VWC2L: variants seen among roughly 807,000 people sequenced by gnomAD.
The protein encoded by VWC2L is von Willebrand factor C domain containing 2 like.
Under a neutral mutation model 21.6 loss-of-function variants are expected in VWC2L, and 10 were observed. The observed-to-expected ratio is 0.46, with a 90% CI of 0.29 to 0.78. The LOEUF (loss-of-function observed/expected upper bound fraction) is 0.78. Among genes scored for constraint, VWC2L ranks in the 30% least tolerant of loss-of-function variants. The pLI is 0.10. For synonymous variants in VWC2L, 96 were observed against 94.3 expected, an observed-to-expected ratio of 1.02 and a Z score of -0.10; for missense variants, 209 against 277.1, an observed-to-expected ratio of 0.75 and a Z score of 1.74.
At chr2:214,460,375 C>T (rs181643828) in intron 3 of VWC2L, among the ~76,000 whole-genome samples, 19 of 152,276 alleles carry the variant, frequency 1.2e-4, no homozygotes, top group Non-Finnish European at 2.5e-4. Flanking sequence ...TTTCTCTTCA[C>T]GTTCTAGAAC....
intron 3 of VWC2L, among the ~76,000 whole-genome samples, chr2:214,456,716 A>T (rs1381751465): frequency 1.3e-5 from 2 of 152,088 alleles, no homozygotes; most frequent in African/African-American, 2.4e-5. Flanking sequence ...TTGGGGTCTT[A>T]CTTCTAAGTC....
At chr2:214,486,084 T>C (rs986199022) in intron 3 of VWC2L, among the ~76,000 whole-genome samples, 4 of 152,196 alleles carry the variant, frequency 2.6e-5, no homozygotes, top group South Asian at 2.1e-4. Flanking sequence ...CTGTGTATGT[T>C]TGTGTGTGTA....
intron 3 of VWC2L, among the ~76,000 whole-genome samples, chr2:214,573,109 T>A (rs1690176370): frequency 6.6e-6 from 1 of 152,120 alleles, no homozygotes; most frequent in South Asian, 2.1e-4. Flanking sequence ...TAGTAAAATA[T>A]CCCTTCAGGA....
In VWC2L at chr2:214,575,808, G is replaced by A; in HGVS notation, c.657G>A (p.Lys219=). The A allele has an allele frequency of 6.2e-7, 1 of 1,613,240 alleles. No individual in the cohort carries two copies. Among genetic ancestry groups the A allele is most frequent in the Non-Finnish European group, 8.5e-7 (1 of 1,179,334 alleles). ...GTTCGAAACGTGAATGCCAAGGCAA[G>A]CAGACTGTGTAGGACAAACTTCCAC... ...AQCSKRECQG[K]QTV Residue 219 remains lysine (K), a synonymous_variant, in exon 4 of 4, where the codon AAG becomes AAA. Transcript: ENST00000312504.
chr2:214,445,075 G>C (rs920710600), intron 3 of VWC2L, among the ~76,000 whole-genome samples: 25 of 151,516 alleles, frequency 1.6e-4, no homozygotes, highest in African/African-American at 6.0e-4. Flanking sequence ...TGAGTAGTTA[G>C]GTTAAAAAAA....
At chr2:214,515,800 C>T (rs4549089) in intron 3 of VWC2L, among the ~76,000 whole-genome samples, 10 of 152,014 alleles carry the variant, frequency 6.6e-5, no homozygotes, top group Non-Finnish European at 1.3e-4. Context: ...GGTGATCCAC[C>T]CATCTCGGCC....
intron 3 of VWC2L, among the ~76,000 whole-genome samples, chr2:214,441,587 G>A (rs187616646): frequency 6.6e-6 from 1 of 152,086 alleles, no homozygotes; most frequent in Non-Finnish European, 1.5e-5. Flanking sequence ...CTTTCAAAAT[G>A]TTTGTATCCC....
chr2:214,569,603 C>T (rs1690119771), intron 3 of VWC2L, among the ~76,000 whole-genome samples: 1 of 152,186 alleles, frequency 6.6e-6, no homozygotes. Flanking sequence ...GAGGCACCAG[C>T]TCCAGTACAT....
At chr2:214,422,123 C>T (rs1049493534) in intron 2 of VWC2L, among the ~76,000 whole-genome samples, 6 of 151,670 alleles carry the variant, frequency 4.0e-5, no homozygotes, top group African/African-American at 1.5e-4. Context: ...CTCCTGACCT[C>T]GTGATCCGCC....
chr2:214,573,859 G>A (rs894090189), intron 3 of VWC2L, among the ~76,000 whole-genome samples: 1 of 152,182 alleles, frequency 6.6e-6, no homozygotes, highest in Non-Finnish European at 1.5e-5. Flanking sequence ...ATCAGAACAA[G>A]GCCAGGCGTG....
chr2:214,571,077 TA>T (rs1690142724), intron 3 of VWC2L, among the ~76,000 whole-genome samples: 1 of 152,178 alleles, frequency 6.6e-6, no homozygotes, highest in African/African-American at 2.4e-5. Flanking sequence ...GTAAACCTGA[TA>T]AAGACCTATA....
chr2:214,518,217 G>T (rs1184120237), intron 3 of VWC2L, among the ~76,000 whole-genome samples: 1 of 152,052 alleles, frequency 6.6e-6, no homozygotes, highest in Admixed American at 6.6e-5. Flanking sequence ...AAAGCCTGGA[G>T]TCAAATTACT....
chr2:214,563,377 C>A (rs900924052), intron 3 of VWC2L, among the ~76,000 whole-genome samples: 17 of 151,596 alleles, frequency 1.1e-4, no homozygotes, highest in African/African-American at 4.1e-4. Context: ...GAAACCCCAT[C>A]TCTACTAAAA....
intron 1 of VWC2L, among the ~76,000 whole-genome samples, chr2:214,413,242 A>T (rs1702303855): frequency 6.6e-6 from 1 of 152,018 alleles, no homozygotes; most frequent in African/African-American, 2.4e-5. Context: ...CATAAATTGT[A>T]TTTATATTAT....
chr2:214,557,639 C>T (rs1313294125), intron 3 of VWC2L, among the ~76,000 whole-genome samples: 1 of 152,190 alleles, frequency 6.6e-6, no homozygotes, highest in Non-Finnish European at 1.5e-5. Flanking sequence ...GTGACTGTCT[C>T]AACCATTTCC....
intron 2 of VWC2L, among the ~76,000 whole-genome samples, chr2:214,417,243 T>C (rs933194176): frequency 6.6e-6 from 1 of 152,136 alleles, no homozygotes; most frequent in African/African-American, 2.4e-5. Flanking sequence ...TATCAGACCG[T>C]TCAGTAGATA....
chr2:214,412,117 T>C (rs562130612), intron 1 of VWC2L, among the ~76,000 whole-genome samples: 2 of 152,118 alleles, frequency 1.3e-5, no homozygotes, highest in African/African-American at 4.8e-5. Context: ...ATATTTCATA[T>C]AATAAAAACA....
intron 3 of VWC2L, among the ~76,000 whole-genome samples, chr2:214,460,196 T>C (rs951812649): frequency 1.3e-5 from 2 of 152,278 alleles, no homozygotes; most frequent in South Asian, 4.1e-4. Flanking sequence ...CCACCATGCC[T>C]GGCCTTCTTT....
At chr2:214,516,805 C>T (rs957482537) in intron 3 of VWC2L, among the ~76,000 whole-genome samples, 2 of 151,862 alleles carry the variant, frequency 1.3e-5, no homozygotes, top group African/African-American at 4.8e-5. Flanking sequence ...CCAGGTCTAG[C>T]AACTATGAGC....
Sources: allele counts gnomAD v4.1 joint callset (sites outside exome capture counted in the v4.1 genomes callset), GRCh38; gene constraint gnomAD v4.1.1; transcripts MANE v1.5; gene names NCBI Gene and HGNC (gene_info 2026-07-23, HGNC 2026-07-21).